The following TTBK2 variants were observed in gnomAD, a reference collection of about 807,000 sequenced individuals.
TTBK2 encodes tau-tubulin kinase 2.
A neutral mutation model predicts 110.8 loss-of-function variants in TTBK2; 28 were observed. That is an observed-to-expected ratio of 0.25 (90% confidence interval 0.19 to 0.35). The LOEUF is 0.35. Among genes scored for constraint, TTBK2 ranks in the 10% least tolerant of loss-of-function variants. The probability of loss-of-function intolerance (pLI) is 1.00; values close to 1 mark genes in which losing one functional copy is unlikely to be tolerated. For synonymous variants in TTBK2, 532 were observed against 527.3 expected, an observed-to-expected ratio of 1.01 and a Z score of -0.12; for missense variants, 1,369 against 1,500.3, an observed-to-expected ratio of 0.91 and a Z score of 1.45.
intron 9 of TTBK2, among the ~76,000 whole-genome samples, chr15:42,796,395 G>T (rs955931399): frequency 1.3e-5 from 2 of 151,446 alleles, no homozygotes; most frequent in Non-Finnish European, 1.5e-5. Flanking sequence ...GCGAGACTCG[G>T]GTCTCAAAAA....
chr15:42,850,074 C>A (rs1267370150), intron 3 of TTBK2, among the ~76,000 whole-genome samples: 3 of 152,156 alleles, frequency 2.0e-5, no homozygotes, highest in Non-Finnish European at 4.4e-5. Flanking sequence ...TCTCTTCAGA[C>A]CACAGTTCCT....
chr15:42,835,376 A>G (rs1309866906), intron 4 of TTBK2, among the ~76,000 whole-genome samples: 2 of 152,240 alleles, frequency 1.3e-5, no homozygotes, highest in African/African-American at 4.8e-5. Context: ...AATCTTATAT[A>G]ATCATCAATT....
At chr15:42,887,583 T>G (rs1377743432) in intron 1 of TTBK2, among the ~76,000 whole-genome samples, 1 of 152,194 alleles carries the variant, frequency 6.6e-6, no homozygotes, top group Non-Finnish European at 1.5e-5. Flanking sequence ...GTCCAAAAAC[T>G]GGACCAGTCT....
chr15:42,772,854 G>C (rs1595894897), intron 13 of TTBK2, among the ~76,000 whole-genome samples: 2 of 152,262 alleles, frequency 1.3e-5, no homozygotes, highest in South Asian at 4.1e-4. Flanking sequence ...GCCAATGTGG[G>C]AGGACCACTT....
At chr15:42,766,026 A>C (rs1028369301) in intron 13 of TTBK2, among the ~76,000 whole-genome samples, 1 of 152,206 alleles carries the variant, frequency 6.6e-6, no homozygotes, top group South Asian at 2.1e-4. Context: ...ACTAAGCTTC[A>C]TAAGTGAAGG....
chr15:42,802,644 G>A (rs1891273722), intron 9 of TTBK2, among the ~76,000 whole-genome samples: 1 of 152,292 alleles, frequency 6.6e-6, no homozygotes, highest in African/African-American at 2.4e-5. Flanking sequence ...CCATTAAGTC[G>A]GGTGTCACAT....
intron 12 of TTBK2, 114 bp downstream of exon 12, chr15:42,776,917 A>T: frequency 8.6e-7 from 1 of 1,159,422 alleles, no homozygotes; most frequent in Non-Finnish European, 1.2e-6. Flanking sequence ...AAATGCAAGG[A>T]TTTCTTATTT....
chr15:42,810,099 G>GT (rs1182612618), intron 9 of TTBK2, among the ~76,000 whole-genome samples: 7 of 152,300 alleles, frequency 4.6e-5, no homozygotes, highest in Admixed American at 1.3e-4. Context: ...GGTTAGGGAT[G>GT]TAATTTGTAG....
At chr15:42,840,540 C>A in intron 3 of TTBK2, 107 bp from the exon 4 acceptor site, 1 of 995,396 alleles carries the variant, frequency 1.0e-6, no homozygotes, top group South Asian at 1.3e-5. Flanking sequence ...TAAAATACAT[C>A]TTGAGAACCT....
intron 1 of TTBK2, among the ~76,000 whole-genome samples, chr15:42,886,273 C>T (rs1478839699): frequency 6.6e-6 from 1 of 152,058 alleles, no homozygotes; most frequent in Non-Finnish European, 1.5e-5. Context: ...TCTATCACCT[C>T]CCCTCCCCAC....
chr15:42,916,087 T>C (rs2031073432), intron 1 of TTBK2, among the ~76,000 whole-genome samples: 3 of 152,198 alleles, frequency 2.0e-5, no homozygotes, highest in Admixed American at 1.3e-4. Context: ...ATTTATAGAA[T>C]TAAGGAAGTT....
chr15:42,783,459 A>C lies in TTBK2; in HGVS notation c.1157T>G (p.Met386Arg). The C allele has an allele frequency of 6.2e-7, 1 of 1,614,148 alleles. No individual in the cohort carries two copies. The highest frequency in any genetic ancestry group is 1.3e-5 in the African/African-American group (1 of 75,030). Reference protein sequence around the residue: ...RPQEKDVWEEMDANKNKIKLG... With the variant: ...RPQEKDVWEERDANKNKIKLG... Reference sequence around the variant, plus strand: ...CTTTATCTTGTTTTTGTTGGCATCCATCTCTTCCCAAACATCCTTCTCCTG... The same window carrying C: ...CTTTATCTTGTTTTTGTTGGCATCCCTCTCTTCCCAAACATCCTTCTCCTG... The change falls in exon 11 of 15, where the codon ATG (methionine) becomes AGG (arginine). Residue 386 changes from methionine (M) to arginine (R), a missense_variant. Around this residue, in one of 4 missense-constraint regions of TTBK2, gnomAD observed 1,097 missense variants for 1,114.7 expected, o/e 0.98. Coordinates refer to ENST00000267890, the MANE Select transcript of TTBK2 (RefSeq NM_173500.4).
At chr15:42,781,416 T>C (rs1890173641) in intron 11 of TTBK2, among the ~76,000 whole-genome samples, 1 of 152,130 alleles carries the variant, frequency 6.6e-6, no homozygotes, top group South Asian at 2.1e-4. Context: ...TTCTTTCTGC[T>C]TGTCTTAGCT....
intron 10 of TTBK2, among the ~76,000 whole-genome samples, chr15:42,791,095 G>A (rs990350629): frequency 7.2e-5 from 11 of 151,998 alleles, no homozygotes; most frequent in African/African-American, 2.4e-4. Flanking sequence ...CACTGTGTTA[G>A]CCAGGATGGT....
At chr15:42,902,212 T>A (rs1189691436) in intron 1 of TTBK2, among the ~76,000 whole-genome samples, 3 of 127,572 alleles carry the variant, frequency 2.4e-5, no homozygotes, top group Non-Finnish European at 4.8e-5. Flanking sequence ...CGAGACTCCA[T>A]CTCCAAAAAA....
At chr15:42,779,844 T>C (rs1890104247) in intron 11 of TTBK2, among the ~76,000 whole-genome samples, 1 of 151,890 alleles carries the variant, frequency 6.6e-6, no homozygotes, top group Non-Finnish European at 1.5e-5. Context: ...TAGTCGGGTG[T>C]GGTGGCACGT....
At chr15:42,850,020 C>G (rs1308395929) in intron 3 of TTBK2, among the ~76,000 whole-genome samples, 1 of 152,010 alleles carries the variant, frequency 6.6e-6, no homozygotes, top group Non-Finnish European at 1.5e-5. Context: ...GGCCAAGCAA[C>G]AGAACGGCAG....
chr15:42,853,545 A>G (rs1257001238), intron 3 of TTBK2, among the ~76,000 whole-genome samples: 1 of 152,206 alleles, frequency 6.6e-6, no homozygotes, highest in African/African-American at 2.4e-5. Context: ...AAAAACAGAA[A>G]AACATCAGTT....
chr15:42,899,846 G>T (rs982577255), intron 1 of TTBK2, among the ~76,000 whole-genome samples: 1 of 151,328 alleles, frequency 6.6e-6, no homozygotes, highest in Non-Finnish European at 1.5e-5. Context: ...AGGTTGCAGT[G>T]AGCCAAGATC....
Sources: gnomAD v4.1 joint callset for allele counts (sites outside exome capture counted in the v4.1 genomes callset) on GRCh38, gnomAD v4.1.1 for gene constraint, gnomAD v4.1.1 regional missense constraint, MANE v1.5 for transcripts, NCBI Gene and HGNC (gene_info 2026-07-23, HGNC 2026-07-21) for gene names.